Variants in TFF3 observed in about 807,000 individuals in gnomAD.
TFF3 encodes polypeptide P1.B.
TFF3 carries 6 observed loss-of-function variants against 9.7 expected under a neutral mutation model. The ratio of observed to expected loss-of-function variants is 0.62; its 90% CI spans 0.34 to 1.22. TFF3 has a LOEUF of 1.22. Ranked by LOEUF, TFF3 falls within the 50% of genes most tolerant of loss-of-function variation. The probability of loss-of-function intolerance (pLI) is 0.04; values close to 1 mark genes in which losing one functional copy is unlikely to be tolerated. For synonymous variants in TFF3, 48 were observed against 41.4 expected (o/e 1.16, Z -0.61); for missense variants, 93 against 98.6 (o/e 0.94, Z 0.24).
chr21:42,312,378 C>G, intron 2 of TFF3, 109 bp from the exon 3 acceptor site: 6 of 1,356,032 alleles, frequency 4.4e-6, no homozygotes, highest in Non-Finnish European at 6.0e-6. Context: ...GCCTCCTCCC[C>G]AGAGTCACCG....
chr21:42,311,937 C>G lies in TFF3; in HGVS notation c.*319G>C. 1 of 567,946 alleles carries G rather than the reference C, an allele frequency of 1.8e-6. No individual in the cohort carries two copies. Among genetic ancestry groups the G allele is most frequent in the South Asian group, 2.0e-5 (1 of 50,274 alleles). The allele number at this position is 567,946 out of a possible 1,614,324, so 35.2% of individuals were successfully genotyped here. A position where few individuals can be genotyped will look rare whatever the true frequency, so the allele number is the denominator to read the frequency against. ...TCTGGATTCAAAATATCCTTGCATG[C>G]ACTGCAGCTCCTTAGGGAGTCTTTT... is the stretch of plus-strand genomic sequence containing the variant. On this transcript the variant is annotated 3_prime_UTR_variant, in exon 3 of 3. Transcript: ENST00000518498.
chr21:42,313,661 A>G lies in TFF3; in HGVS notation c.83-30T>C, dbSNP rs770996251. On this transcript the variant is annotated intron_variant, in intron 1 of 2. Coordinates refer to ENST00000518498, the MANE Select transcript of TFF3 (RefSeq NM_003226.4). This position sits in a 1 kb window ranked among gnomAD's most constrained non-coding sequence, Gnocchi z 4.0. Reference sequence around the variant, plus strand: ...CCCAGACAAAGCCCTGTCAGCTGCCAGAGCCCTTGCTGGGCTGCGGTGAGT... The same window carrying G: ...CCCAGACAAAGCCCTGTCAGCTGCCGGAGCCCTTGCTGGGCTGCGGTGAGT... 2.5e-6 allele frequency: 4 copies of G among 1,592,232 alleles called. No individual in the cohort carries two copies. The highest frequency in any genetic ancestry group is 1.1e-5 in the South Asian group (1 of 88,318).
chr21:42,315,390 C>T lies in TFF3; in HGVS notation c.-16G>A, dbSNP rs780291255. On this transcript the variant is annotated 5_prime_UTR_variant, in exon 1 of 3. Coordinates refer to ENST00000518498, the MANE Select transcript of TFF3 (RefSeq NM_003226.4). ...TGGCAGCCATGACCACCGTGGGCTC[C>T]GGGACGCAGCTCAGGACTCGCTTCA... 207 of 1,614,016 alleles carry T rather than the reference C, an allele frequency of 1.3e-4. 1 individual carries two copies. The highest frequency in any genetic ancestry group is 4.4e-4 in the South Asian group (40 of 91,080).
At chr21:42,312,609 A>G (rs370977146) in intron 2 of TFF3, among the ~76,000 whole-genome samples, 2 of 151,816 alleles carry the variant, frequency 1.3e-5, no homozygotes. Context: ...CCTTCTCTGG[A>G]CCCCCACCCC....
rs372583699 is a variant in TFF3, at chr21:42,313,482, T to C, written c.229+3A>G. 6.2e-7 allele frequency: 1 copy of C among 1,607,084 alleles called. No homozygotes were observed. Among genetic ancestry groups the C allele is most frequent in the African/African-American group, 1.3e-5 (1 of 74,562 alleles). ...CCAGACCACGATGCCACTGGGGCCT[T>C]ACCTGCTTCCTGCAGGGGCTTGAAA... On this transcript the variant is annotated splice_donor_region_variant and intron_variant, in intron 2 of 2. Coordinates refer to ENST00000518498, the MANE Select transcript of TFF3 (RefSeq NM_003226.4). This position sits in a 1 kb window ranked among gnomAD's most constrained non-coding sequence, Gnocchi z 4.0.
chr21:42,312,349 A>T (rs561506392), intron 2 of TFF3, 80 bp from the exon 3 acceptor site: 1 of 1,515,698 alleles, frequency 6.6e-7, no homozygotes, highest in African/African-American at 1.4e-5. Context: ...GGCAGGCTCC[A>T]AGGCCAGCAC....
At chr21:42,312,298 C>T (rs1307494557) in intron 2 of TFF3, 29 bp from the exon 3 acceptor site, 1 of 1,579,938 alleles carries the variant, frequency 6.3e-7, no homozygotes, top group Admixed American at 1.8e-5. Context: ...CTTGTGTGAG[C>T]AGTCTCTCTC....
intron 1 of TFF3, 64 bp downstream of exon 1, chr21:42,315,229 C>G: frequency 6.4e-7 from 1 of 1,562,824 alleles, no homozygotes; most frequent in Non-Finnish European, 8.6e-7. Context: ...CAGAATCCCC[C>G]CTTATCCTGG....
intron 1 of TFF3, 100 bp downstream of exon 1, chr21:42,315,193 G>T (rs1242715830): frequency 6.9e-6 from 10 of 1,440,830 alleles, no homozygotes; most frequent in Non-Finnish European, 8.3e-6. Flanking sequence ...GTGTATATGT[G>T]ACAGGTGGCC....
rs995089031 is a variant in TFF3 at position 42,313,139 on chromosome 21, G to A, written c.229+346C>T. ...ACAAATGACAAGACTCTGGGGGGCC[G>A]ATTTGCAAAAACAGCCCAAAAGTCG... is the stretch of plus-strand genomic sequence containing the variant. On this transcript the variant is annotated intron_variant, in intron 2 of 2. Transcript: ENST00000518498. This position sits in a 1 kb window ranked among gnomAD's most constrained non-coding sequence, Gnocchi z 4.0. Among the ~76,000 whole-genome samples the A allele has an allele frequency of 1.3e-5, 2 of 152,156 alleles. No homozygotes were observed. Among genetic ancestry groups the A allele is most frequent in the African/African-American group, 2.4e-5 (1 of 41,438 alleles).
In TFF3 at chr21:42,311,967, C is replaced by T; in HGVS notation, c.*289G>A. ...CAGCTCCTTAGGGAGTCTTTTCCTG[C>T]CCTTGAGGCCTGGGCAGACTCTCCC... On this transcript the variant is annotated 3_prime_UTR_variant, in exon 3 of 3. Coordinates refer to ENST00000518498, the MANE Select transcript of TFF3 (RefSeq NM_003226.4). The T allele has an allele frequency of 1.6e-6, 1 of 626,322 alleles. No homozygotes were observed. The highest frequency in any genetic ancestry group is 1.8e-5 in the African/African-American group (1 of 54,968). The allele number at this position is 626,322 out of a possible 1,614,324, so 38.8% of individuals were successfully genotyped here. A position where few individuals can be genotyped will look rare whatever the true frequency, so the allele number is the denominator to read the frequency against.
intron 1 of TFF3, among the ~76,000 whole-genome samples, chr21:42,314,343 G>A (rs916571176): frequency 3.9e-5 from 6 of 152,212 alleles, no homozygotes; most frequent in African/African-American, 1.4e-4. Context: ...ACTGGAATCA[G>A]CTGCAGAGCT....
At chr21:42,314,584 C>T (rs1026875880) in intron 1 of TFF3, among the ~76,000 whole-genome samples, 2 of 152,190 alleles carry the variant, frequency 1.3e-5, no homozygotes, top group Non-Finnish European at 2.9e-5. Flanking sequence ...ACCCAGGAGG[C>T]GGAGGTTGCA....
At position 42,313,421 on chromosome 21, in the gene TFF3, G is replaced by C. The variant is rs189544424; in HGVS notation, c.229+64C>G. 8.4e-6 allele frequency: 13 copies of C among 1,542,210 alleles called. No individual in the cohort carries two copies. The African/African-American group carries it at 9.8e-5, about 12-fold the overall frequency. On this transcript the variant is annotated intron_variant, in intron 2 of 2. Transcript: ENST00000518498. This position sits in a 1 kb window ranked among gnomAD's most constrained non-coding sequence, Gnocchi z 4.0. ...TCCATCTCCAGCCCAGAAAGGACAG[G>C]GAGGCCCTGAGACCCCCTGCCTTAT...
chr21:42,313,685 G>A lies in TFF3; in HGVS notation c.83-54C>T, dbSNP rs1182689804. 2 of 1,551,350 alleles carry A rather than the reference G, an allele frequency of 1.3e-6. No individual in the cohort carries two copies. The highest frequency in any genetic ancestry group is 1.7e-6 in the Non-Finnish European group (2 of 1,146,590). On this transcript the variant is annotated intron_variant, in intron 1 of 2. Coordinates refer to ENST00000518498, the MANE Select transcript of TFF3 (RefSeq NM_003226.4). This position sits in a 1 kb window ranked among gnomAD's most constrained non-coding sequence, Gnocchi z 4.0. The stretch of plus-strand genomic sequence containing the variant: ...CAGAGCCCTTGCTGGGCTGCGGTGA[G>A]TGTGTTTGCTTCACTTTGCAAGTTT...
intron 2 of TFF3, among the ~76,000 whole-genome samples, chr21:42,312,799 G>A (rs574090040): frequency 2.6e-5 from 4 of 152,312 alleles, no homozygotes; most frequent in South Asian, 4.1e-4. Flanking sequence ...TGCGGCCTTC[G>A]TGGGGGCTGA....
chr21:42,312,677 C>G (rs1053130832), intron 2 of TFF3, among the ~76,000 whole-genome samples: 1 of 152,128 alleles, frequency 6.6e-6, no homozygotes, highest in Non-Finnish European at 1.5e-5. Context: ...AGGGGCCCAT[C>G]ATTGATCAGG....
chr21:42,313,186 C>T lies in TFF3; in HGVS notation c.229+299G>A, dbSNP rs144789745. Among the ~76,000 whole-genome samples the T allele has an allele frequency of 1.7e-3, 256 of 152,318 alleles. 2 individuals are homozygous for T. Among genetic ancestry groups the T allele is most frequent in the African/African-American group, 5.1e-3 (213 of 41,586 alleles). ...GTCGGCCCGGCTTTCCACACCTATG[C>T]GTTTCCACTTCTCTCAAGAATAGTT... On this transcript the variant is annotated intron_variant, in intron 2 of 2. Transcript: ENST00000518498. This position sits in a 1 kb window ranked among gnomAD's most constrained non-coding sequence, Gnocchi z 4.0.
At chr21:42,312,791 C>A (rs899853406) in intron 2 of TFF3, among the ~76,000 whole-genome samples, 1 of 152,180 alleles carries the variant, frequency 6.6e-6, no homozygotes, top group Admixed American at 6.5e-5. Context: ...CACGCAGGTG[C>A]GGCCTTCGTG....
Sources: allele counts gnomAD v4.1 joint callset (sites outside exome capture counted in the v4.1 genomes callset), GRCh38; gene constraint gnomAD v4.1.1; non-coding constraint Gnocchi (gnomAD v3.1); transcripts MANE v1.5; gene names NCBI Gene and HGNC (gene_info 2026-07-23, HGNC 2026-07-21).